The following ERCC8 variants were observed in gnomAD, a reference collection of about 807,000 sequenced individuals.
ERCC8 encodes the protein DNA excision repair protein ERCC-8.
In ERCC8, 52 loss-of-function variants were observed where a neutral mutation model predicts 54.9. The ratio of observed to expected loss-of-function variants is 0.95; its 90% CI spans 0.76 to 1.19. The LOEUF is 1.19. Among genes scored for constraint, ERCC8 ranks in the 50% most tolerant of loss-of-function variants. ERCC8 has a pLI of 0.00. For missense variants in ERCC8, 514 were observed against 466.1 expected, an observed-to-expected ratio of 1.10 and a Z score of -0.95; for synonymous variants, 146 against 157.2, an observed-to-expected ratio of 0.93 and a Z score of 0.53.
chr5:60,895,576 T>C (rs959927636), intron 9 of ERCC8, among the ~76,000 whole-genome samples: 1 of 152,190 alleles, frequency 6.6e-6, no homozygotes, highest in Non-Finnish European at 1.5e-5. Context: ...TGAAAGCACC[T>C]GGAACACAAA....
intron 4 of ERCC8, among the ~76,000 whole-genome samples, chr5:60,913,496 A>G (rs1441340242): frequency 6.6e-6 from 1 of 151,844 alleles, no homozygotes; most frequent in Non-Finnish European, 1.5e-5. Flanking sequence ...CTTCTTCATT[A>G]GTCTTGCTAG....
rs1747773297 is a variant in ERCC8 at position 60,867,269 on chromosome 5, T to C, written c.*7346A>G. On this transcript the variant is annotated 3_prime_UTR_variant, in exon 12 of 12. Transcript: ENST00000676185. ...CTGTTATTTCTTTTTCTTTTCATTT[T>C]TTTGAGACAGAGTCTTGCTCTGTCA... Among the ~76,000 whole-genome samples the C allele has an allele frequency of 6.6e-6, 1 of 152,106 alleles. No individual in the cohort carries two copies.
At chr5:60,919,830 T>C (rs909533077) in intron 3 of ERCC8, among the ~76,000 whole-genome samples, 1 of 151,924 alleles carries the variant, frequency 6.6e-6, no homozygotes, top group Admixed American at 6.6e-5. Context: ...TAGTGAAGAT[T>C]TGCATTAGGT....
At chr5:60,911,196 G>C (rs1454830379) in intron 4 of ERCC8, among the ~76,000 whole-genome samples, 1 of 151,892 alleles carries the variant, frequency 6.6e-6, no homozygotes, top group African/African-American at 2.4e-5. Flanking sequence ...TTCTCCTAAT[G>C]CTATCCCTCC....
At chr5:60,924,707 T>C (rs753909961) in intron 2 of ERCC8, among the ~76,000 whole-genome samples, 1 of 152,160 alleles carries the variant, frequency 6.6e-6, no homozygotes, top group Admixed American at 6.5e-5. Context: ...ATGTTCTATA[T>C]ATACACCTCT....
intron 1 of ERCC8, among the ~76,000 whole-genome samples, chr5:60,937,494 T>C (rs1176744913): frequency 6.6e-6 from 1 of 152,146 alleles, no homozygotes; most frequent in Non-Finnish European, 1.5e-5. Context: ...GATGGGGGCA[T>C]GGTTCCCAGG....
At chr5:60,903,399 GT>G in intron 6 of ERCC8, 3 of 487,168 alleles carry the variant, frequency 6.2e-6, no homozygotes, top group Admixed American at 7.9e-5. Flanking sequence ...ATAACACAAG[GT>G]TTTGAGTTAG....
intron 11 of ERCC8, among the ~76,000 whole-genome samples, chr5:60,883,872 A>C (rs995130288): frequency 1.3e-5 from 2 of 152,176 alleles, no homozygotes; most frequent in Non-Finnish European, 2.9e-5. Flanking sequence ...AAATATAATA[A>C]AACAGTCTGC....
At position 60,868,225 on chromosome 5, in the gene ERCC8, C is replaced by G. The variant is rs1747793326; in HGVS notation, c.*6390G>C. On this transcript the variant is annotated 3_prime_UTR_variant, in exon 12 of 12. Transcript: ENST00000676185. ...TTAACAAACTGTCAAGGCATAAAAA[C>G]ACGAGCAGCTTAATGAACTTAGTCT... 6.6e-6 allele frequency among the ~76,000 whole-genome samples: 1 copy of G among 152,208 alleles called. No homozygotes were observed. Among genetic ancestry groups the G allele is most frequent in the African/African-American group, 2.4e-5 (1 of 41,460 alleles).
intron 11 of ERCC8, among the ~76,000 whole-genome samples, chr5:60,886,505 C>T (rs891894500): frequency 1.3e-5 from 2 of 151,936 alleles, no homozygotes; most frequent in African/African-American, 4.8e-5. Context: ...AGTTGAAGAC[C>T]AGCCTGACAA....
Position 60,869,284 on chromosome 5 carries a change from T to C in ERCC8, c.*5331A>G, listed in dbSNP as rs934911349. On this transcript the variant is annotated 3_prime_UTR_variant, in exon 12 of 12. Coordinates refer to ENST00000676185, the MANE Select transcript of ERCC8 (RefSeq NM_000082.4). ...TATTTAAGTACCTAATTTGAGGTTTTCCTTTCCATTGTGAAATAGTGATTT... is the reference window on the plus strand; with the variant it reads ...TATTTAAGTACCTAATTTGAGGTTTCCCTTTCCATTGTGAAATAGTGATTT... Among the ~76,000 whole-genome samples, 2 of 152,198 alleles carry C rather than the reference T, an allele frequency of 1.3e-5. No homozygotes were observed. The highest frequency in any genetic ancestry group is 4.8e-5 in the African/African-American group (2 of 41,456).
chr5:60,886,353 C>T (rs965076422), intron 11 of ERCC8, among the ~76,000 whole-genome samples: 2 of 152,144 alleles, frequency 1.3e-5, no homozygotes, highest in Non-Finnish European at 2.9e-5. Flanking sequence ...ACGAAAGGCA[C>T]TGTCAGACTG....
At chr5:60,875,659 A>G (rs2112453259) in intron 11 of ERCC8, among the ~76,000 whole-genome samples, 1 of 152,258 alleles carries the variant, frequency 6.6e-6, no homozygotes, top group African/African-American at 2.4e-5. Flanking sequence ...GACTACTCTT[A>G]AATTATTTTA....
Position 60,870,015 on chromosome 5 carries a change from C to A in ERCC8, c.*4600G>T, listed in dbSNP as rs1747828890. On this transcript the variant is annotated 3_prime_UTR_variant, in exon 12 of 12. Transcript: ENST00000676185. ...CAATGTGAATAAGGGTTGACAAATA[C>A]CAGTTGAATAAACAATTATTAAAAA... Among the ~76,000 whole-genome samples the A allele has an allele frequency of 6.6e-6, 1 of 152,058 alleles. No homozygotes were observed. Among genetic ancestry groups the A allele is most frequent in the South Asian group, 2.1e-4 (1 of 4,834 alleles).
At chr5:60,903,588 G>T (rs759120854) in intron 6 of ERCC8, 60 bp downstream of exon 6, 1 of 1,606,032 alleles carries the variant, frequency 6.2e-7, no homozygotes, top group Non-Finnish European at 8.5e-7. Flanking sequence ...TGTTAGTAAC[G>T]TTTCTTTTTA....
chr5:60,945,053 G>C lies in ERCC8; in HGVS notation c.-45C>G, dbSNP rs1243468913. Reference sequence around the variant, plus strand: ...TGGAGCACTGGACGTCGCCATGACAGAGCTCAGGGGCGGGACTGGAACAGC... The same window carrying C: ...TGGAGCACTGGACGTCGCCATGACACAGCTCAGGGGCGGGACTGGAACAGC... On this transcript the variant is annotated 5_prime_UTR_variant, in exon 1 of 12. Transcript: ENST00000676185. 1.9e-6 allele frequency: 3 copies of C among 1,551,502 alleles called. No individual in the cohort carries two copies. Among genetic ancestry groups the C allele is most frequent in the Admixed American group, 1.7e-5 (1 of 59,944 alleles).
At chr5:60,934,660 T>G (rs1385971481) in intron 1 of ERCC8, among the ~76,000 whole-genome samples, 1 of 152,252 alleles carries the variant, frequency 6.6e-6, no homozygotes, top group Non-Finnish European at 1.5e-5. Flanking sequence ...TAGAAGGGTT[T>G]TATCAATGTT....
Position 60,898,351 on chromosome 5 carries a change from A to T in ERCC8, c.768T>A (p.Asp256Glu). ...TACCAACAGTGAGGAGGTGAAGTCC[A>T]TCACTTGTAAAACATAAGCCATTAA... ...GKVNGLCFTS[D>E]GLHLLTVGTD... The change falls in exon 9 of 12, where the codon GAT becomes GAA. Residue 256 changes from aspartate (D) to glutamate (E), a missense_variant. Transcript: ENST00000676185. The T allele has an allele frequency of 6.2e-7, 1 of 1,613,442 alleles. No individual in the cohort carries two copies. The highest frequency in any genetic ancestry group is 8.5e-7 in the Non-Finnish European group (1 of 1,179,468).
chr5:60,903,347 A>G (rs1301922899), intron 6 of ERCC8: 2 of 302,602 alleles, frequency 6.6e-6, no homozygotes, highest in Admixed American at 4.8e-5. Context: ...CATATGAGAC[A>G]AGTACACTGA....
Sources: gnomAD v4.1 joint callset for allele counts (sites outside exome capture counted in the v4.1 genomes callset) on GRCh38, gnomAD v4.1.1 for gene constraint, MANE v1.5 for transcripts, NCBI Gene and HGNC (gene_info 2026-07-23, HGNC 2026-07-21) for gene names.